Variants in GRM4 observed in about 807,000 individuals in gnomAD.
GRM4 encodes the protein metabotropic glutamate receptor 4.
Under a neutral mutation model 81.7 loss-of-function variants are expected in GRM4, and 28 were observed. That is an observed-to-expected ratio of 0.34 (90% CI 0.25 to 0.47). The LOEUF is 0.47. GRM4 is among the 20% of genes least tolerant of loss of function. The pLI is 1.00. For synonymous variants in GRM4, 488 were observed against 528.8 expected (o/e 0.92, Z 1.06); for missense variants, 948 against 1,290.0 (o/e 0.73, Z 4.06).
At chr6:34,083,983 G>T (rs909937413) in intron 3 of GRM4, among the ~76,000 whole-genome samples, 15 of 152,166 alleles carry the variant, frequency 9.9e-5, no homozygotes, top group Admixed American at 7.9e-4. Flanking sequence ...CACTCCTTTA[G>T]GCCTTGCCGG....
chr6:34,058,821 G>A (rs574646075), intron 5 of GRM4, among the ~76,000 whole-genome samples, 153 bp downstream of exon 5: 2 of 140,326 alleles, frequency 1.4e-5, no homozygotes, highest in East Asian at 4.3e-4. Flanking sequence ...AGAACTCCCA[G>A]CCCAAAACCT....
chr6:34,134,832 T>C (rs1227898446), intron 1 of GRM4, among the ~76,000 whole-genome samples: 1 of 152,230 alleles, frequency 6.6e-6, no homozygotes, highest in African/African-American at 2.4e-5. Context: ...ATTAAATATT[T>C]ATCTGCAAGA....
Position 34,064,859 on chromosome 6 carries a change from C to G in GRM4, c.737-2831G>C, listed in dbSNP as rs1766376208. Among the ~76,000 whole-genome samples the G allele has an allele frequency of 6.6e-6, 1 of 152,150 alleles. No individual in the cohort carries two copies. Among genetic ancestry groups the G allele is most frequent in the Non-Finnish European group, 1.5e-5 (1 of 68,026 alleles). ...TACACATTAGCCGGTGCTAATATCC[C>G]CATCTCACAGATGAGGAAACTGAGG... On this transcript the variant is annotated intron_variant, in intron 3 of 10. Transcript: ENST00000538487. This position sits in a 1 kb window ranked among gnomAD's most constrained non-coding sequence, Gnocchi z 4.4.
Position 34,090,430 on chromosome 6 carries a change from G to A in GRM4, c.736+1453C>T, listed in dbSNP as rs1768140500. 1.3e-5 allele frequency among the ~76,000 whole-genome samples: 2 copies of A among 152,162 alleles called. No homozygotes were observed. Among genetic ancestry groups the A allele is most frequent in the Admixed American group, 1.3e-4 (2 of 15,286 alleles). Reference sequence around the variant, plus strand: ...CAGGTCTTGGGTCTGAGCAAAGGAGGAAAGGACATGTGGGTGGCCCAAGGG... The same window carrying A: ...CAGGTCTTGGGTCTGAGCAAAGGAGAAAAGGACATGTGGGTGGCCCAAGGG... On this transcript the variant is annotated intron_variant, in intron 3 of 10. Coordinates refer to ENST00000538487, the MANE Select transcript of GRM4 (RefSeq NM_000841.4). The surrounding 1 kb of genome is among the most constrained non-coding windows in gnomAD (Gnocchi z 5.2).
At chr6:34,106,923 C>T (rs1769155775) in intron 2 of GRM4, among the ~76,000 whole-genome samples, 1 of 152,248 alleles carries the variant, frequency 6.6e-6, no homozygotes, top group Admixed American at 6.5e-5. Context: ...TTGGGGGAAA[C>T]TTTCTCCTTC....
At chr6:34,144,212 C>T (rs1269169369) in intron 1 of GRM4, among the ~76,000 whole-genome samples, 4 of 152,236 alleles carry the variant, frequency 2.6e-5, no homozygotes, top group Non-Finnish European at 5.9e-5. Flanking sequence ...CATCTCAGCA[C>T]AAACAGCCTC....
chr6:34,056,440 G>C lies in GRM4; in HGVS notation c.1168+104C>G. ...CCCAACTGCACGTCCTGCCACGGCC[G>C]GCCGACGACAGACAAAGGGAGACTC... is the stretch of plus-strand genomic sequence containing the variant. On this transcript the variant is annotated intron_variant, in intron 6 of 10. Coordinates refer to ENST00000538487, the MANE Select transcript of GRM4 (RefSeq NM_000841.4). The C allele has an allele frequency of 2.8e-6, 3 of 1,055,810 alleles. No individual in the cohort carries two copies. The South Asian group carries it at 4.7e-5, about 17-fold the overall frequency. 65.4% of individuals were successfully genotyped at this position (1,055,810 alleles called of 1,614,324 possible).
chr6:34,044,635 C>CAG lies in GRM4; in HGVS notation c.1169-3888_1169-3887insCT, dbSNP rs553678994. Reference sequence around the variant, plus strand: ...ATACATACACATATATACACGCAGACACACACACATATACATACATACACA... The same window carrying CAG: ...ATACATACACATATATACACGCAGACAGACACACACATATACATACATACACA... On this transcript the variant is annotated intron_variant, in intron 6 of 10. Transcript: ENST00000538487. Among the ~76,000 whole-genome samples the CAG allele has an allele frequency of 1.2e-3, 174 of 150,590 alleles. 1 individual carries two copies. The highest frequency in any genetic ancestry group is 9.3e-4 in the African/African-American group (38 of 40,940).
Position 34,136,563 on chromosome 6 carries a change from G to GACAC in GRM4, c.-363-2708_-363-2705dup, listed in dbSNP as rs10635207. Among the ~76,000 whole-genome samples the GACAC allele has an allele frequency of 0.13, 18,715 of 142,316 alleles. 1,395 individuals carry two copies. Among genetic ancestry groups the GACAC allele is most frequent in the African/African-American group, 0.16 (6,023 of 36,778 alleles). 93.4% of individuals were successfully genotyped at this position (142,316 alleles called of 152,430 possible). A position where few individuals can be genotyped will look rare whatever the true frequency, so the allele number is the denominator to read the frequency against. ...GCTGAGCAGTGCATGCGCGCGTGCG[G>GACAC]ACACACACACACACACACACACACA... On this transcript the variant is annotated intron_variant, in intron 1 of 10. Coordinates refer to ENST00000538487, the MANE Select transcript of GRM4 (RefSeq NM_000841.4). This position sits in a 1 kb window ranked among gnomAD's most constrained non-coding sequence, Gnocchi z 4.1.
rs530622182 is a variant in GRM4, at chr6:34,042,396, C to T, written c.1169-1648G>A. On this transcript the variant is annotated intron_variant, in intron 6 of 10. Transcript: ENST00000538487. This position sits in a 1 kb window ranked among gnomAD's most constrained non-coding sequence, Gnocchi z 4.2. ...TCTGCCACACAGGGATGCAGGTGGG[C>T]AGGAATGTGGGGAGGGGACCAGGGA... 4.1e-4 allele frequency among the ~76,000 whole-genome samples: 62 copies of T among 152,232 alleles called. No individual in the cohort carries two copies. Among genetic ancestry groups the T allele is most frequent in the Non-Finnish European group, 7.4e-4 (50 of 68,002 alleles).
rs1376872576 is a variant in GRM4, at chr6:34,018,686, G to A, written c.*4135C>T. 3 of 152,186 alleles carry A rather than the reference G, an allele frequency of 2.0e-5. No individual in the cohort carries two copies. Among genetic ancestry groups the A allele is most frequent in the African/African-American group, 7.2e-5 (3 of 41,422 alleles). 9.4% of individuals were successfully genotyped at this position (152,186 alleles called of 1,614,324 possible). A position where few individuals can be genotyped will look rare whatever the true frequency, so the allele number is the denominator to read the frequency against. ...ATTATCCACCGAGCAATGGCGGGCT[G>A]AATTACACAGGCAGGGCCTTGGAGG... On this transcript the variant is annotated 3_prime_UTR_variant, in exon 11 of 11. Transcript: ENST00000538487.
intron 2 of GRM4, among the ~76,000 whole-genome samples, chr6:34,102,507 C>T (rs1768896878): frequency 6.6e-6 from 1 of 152,076 alleles, no homozygotes; most frequent in Admixed American, 6.6e-5. Context: ...TCCCTCTCAT[C>T]CCTCACTTCA....
chr6:34,032,492 G>A (rs371539049), intron 9 of GRM4, among the ~76,000 whole-genome samples: 10 of 152,356 alleles, frequency 6.6e-5, no homozygotes, highest in East Asian at 5.8e-4. Flanking sequence ...AGTCTGAACC[G>A]CAGGAACTTC....
At chr6:34,138,837 G>T (rs964405346) in intron 1 of GRM4, among the ~76,000 whole-genome samples, 2 of 152,228 alleles carry the variant, frequency 1.3e-5, no homozygotes, top group African/African-American at 4.8e-5. Flanking sequence ...TGAGCCAAAT[G>T]ATTCCAGGGC....
intron 3 of GRM4, among the ~76,000 whole-genome samples, chr6:34,088,792 G>A (rs1175053208): frequency 1.3e-5 from 2 of 152,270 alleles, no homozygotes; most frequent in African/African-American, 4.8e-5. Context: ...ACCAGGATCT[G>A]TAATAGTCAC....
Position 34,111,352 on chromosome 6 carries a change from C to T in GRM4, c.520-19253G>A, listed in dbSNP as rs888600405. 4.0e-5 allele frequency among the ~76,000 whole-genome samples: 6 copies of T among 150,894 alleles called. No individual in the cohort carries two copies. Among genetic ancestry groups the T allele is most frequent in the East Asian group, 2.0e-4 (1 of 5,100 alleles). ...CCACACATACTTTCCTGGACTCACA[C>T]TCACAGGCCTCTTGGTGGTAAGTAC... On this transcript the variant is annotated intron_variant, in intron 2 of 10. Transcript: ENST00000538487. This position sits in a 1 kb window ranked among gnomAD's most constrained non-coding sequence, Gnocchi z 5.1.
At chr6:34,040,916 C>T (rs964730133) in intron 6 of GRM4, among the ~76,000 whole-genome samples, 168 bp from the exon 7 acceptor site, 1 of 152,184 alleles carries the variant, frequency 6.6e-6, no homozygotes, top group Non-Finnish European at 1.5e-5. Flanking sequence ...AGGAGATGGC[C>T]CTGTGGAGGT....
chr6:34,098,626 C>T (rs1031470033), intron 2 of GRM4, among the ~76,000 whole-genome samples: 40 of 152,258 alleles, frequency 2.6e-4, no homozygotes, highest in African/African-American at 9.4e-4. Flanking sequence ...CTGCTCCTTG[C>T]CCTTCTGATC....
In GRM4 at chr6:34,068,061, C is replaced by T. The variant is rs529719899; in HGVS notation, c.737-6033G>A. 1.8e-4 allele frequency among the ~76,000 whole-genome samples: 28 copies of T among 152,314 alleles called. No homozygotes were observed. The highest frequency in any genetic ancestry group is 1.2e-3 in the East Asian group (6 of 5,178). On this transcript the variant is annotated intron_variant, in intron 3 of 10. Coordinates refer to ENST00000538487, the MANE Select transcript of GRM4 (RefSeq NM_000841.4). This position sits in a 1 kb window ranked among gnomAD's most constrained non-coding sequence, Gnocchi z 4.2. ...AGCCATGCAGAGGACAGAAGCCCGG[C>T]GCCATGCAGCCTGCGTCCCAGGGTG...
Sources: allele counts gnomAD v4.1 joint callset (sites outside exome capture counted in the v4.1 genomes callset), GRCh38; gene constraint gnomAD v4.1.1; non-coding constraint Gnocchi (gnomAD v3.1); transcripts MANE v1.5; gene names NCBI Gene and HGNC (gene_info 2026-07-23, HGNC 2026-07-21).